KCNIP4: variants seen among roughly 807,000 people sequenced by gnomAD.
KCNIP4 encodes the protein potassium voltage-gated channel interacting protein 4, also known as Kv channel-interacting protein 4.
KCNIP4 carries 12 observed loss-of-function variants against 34.0 expected under a neutral mutation model. That is an observed-to-expected ratio of 0.35 (90% confidence interval 0.23 to 0.57). The LOEUF is 0.57. KCNIP4 is among the 20% of genes least tolerant of loss of function. KCNIP4 has a pLI of 0.83. For synonymous variants in KCNIP4, 124 were observed against 102.2 expected, an observed-to-expected ratio of 1.21 and a Z score of -1.29; for missense variants, 238 against 311.7, an observed-to-expected ratio of 0.76 and a Z score of 1.78.
chr4:20,935,760 C>T (rs772023594), intron 1 of KCNIP4, among the ~76,000 whole-genome samples: 1 of 152,102 alleles, frequency 6.6e-6, no homozygotes, highest in Non-Finnish European at 1.5e-5. Context: ...TTTTCTGTGG[C>T]TTCCATAAAC....
At chr4:21,102,973 A>T (rs76054526) in intron 1 of KCNIP4, among the ~76,000 whole-genome samples, 2,575 of 152,266 alleles carry the variant, frequency 0.017, 77 homozygotes, top group African/African-American at 0.056. Flanking sequence ...AAAAAAAGAA[A>T]ATAGTTCATT....
chr4:20,986,141 C>T (rs1376033745), intron 1 of KCNIP4, among the ~76,000 whole-genome samples: 2 of 152,118 alleles, frequency 1.3e-5, no homozygotes, highest in African/African-American at 2.4e-5. Context: ...TTGGATGAAA[C>T]GACTTTGCTT....
chr4:20,812,636 A>G (rs994103613), intron 3 of KCNIP4, among the ~76,000 whole-genome samples: 7 of 152,046 alleles, frequency 4.6e-5, no homozygotes, highest in African/African-American at 1.7e-4. Flanking sequence ...CTTCTATTGG[A>G]GTTCGGTTTG....
At chr4:20,909,518 C>A (rs1196834588) in intron 1 of KCNIP4, among the ~76,000 whole-genome samples, 2 of 152,152 alleles carry the variant, frequency 1.3e-5, no homozygotes, top group East Asian at 3.9e-4. Flanking sequence ...CCAAAGCACC[C>A]AGTGAATGCT....
intron 1 of KCNIP4, among the ~76,000 whole-genome samples, chr4:21,516,405 C>G (rs575108594): frequency 1.3e-5 from 2 of 152,162 alleles, no homozygotes; most frequent in African/African-American, 4.8e-5. Flanking sequence ...CAACAATCAC[C>G]CTTTTCCTTT....
At chr4:20,942,614 A>G (rs1440386997) in intron 1 of KCNIP4, among the ~76,000 whole-genome samples, 2 of 152,146 alleles carry the variant, frequency 1.3e-5, no homozygotes, top group Non-Finnish European at 2.9e-5. Flanking sequence ...AATTTGTTCA[A>G]AGTGATGGTA....
chr4:21,536,816 TTATTATCTCTATATTAA>T (rs1242608862), intron 1 of KCNIP4, among the ~76,000 whole-genome samples: 1 of 151,970 alleles, frequency 6.6e-6, no homozygotes, highest in Non-Finnish European at 1.5e-5. Flanking sequence ...GAATAGGTTC[TTATTATCTCTATATTAA>T]AAAATAAAGC....
intron 1 of KCNIP4, among the ~76,000 whole-genome samples, chr4:20,966,511 G>T (rs1028300481): frequency 6.6e-6 from 1 of 152,072 alleles, no homozygotes; most frequent in Non-Finnish European, 1.5e-5. Flanking sequence ...GAAAAAACTT[G>T]AGCTCTAACT....
intron 1 of KCNIP4, among the ~76,000 whole-genome samples, chr4:21,523,113 A>C (rs1735681184): frequency 6.6e-6 from 1 of 152,124 alleles, no homozygotes; most frequent in Non-Finnish European, 1.5e-5. Flanking sequence ...TACAGCAAGA[A>C]GATTGGTCCT....
intron 1 of KCNIP4, among the ~76,000 whole-genome samples, chr4:21,565,689 G>C (rs922052571): frequency 6.6e-6 from 1 of 152,078 alleles, no homozygotes; most frequent in Non-Finnish European, 1.5e-5. Context: ...ATCATTTACA[G>C]AATACTCTGT....
At chr4:21,703,730 T>C (rs1388208371) in intron 1 of KCNIP4, among the ~76,000 whole-genome samples, 1 of 152,048 alleles carries the variant, frequency 6.6e-6, no homozygotes, top group African/African-American at 2.4e-5. Context: ...AAAACTCTGA[T>C]AAAAAATAAA....
At chr4:21,869,579 A>G (rs1725636769) in intron 1 of KCNIP4, among the ~76,000 whole-genome samples, 1 of 151,984 alleles carries the variant, frequency 6.6e-6, no homozygotes, top group Non-Finnish European at 1.5e-5. Context: ...GCCAGGGTCA[A>G]CCTAAATTCC....
intron 1 of KCNIP4, among the ~76,000 whole-genome samples, chr4:21,448,132 T>A (rs1181306970): frequency 6.6e-6 from 1 of 152,104 alleles, no homozygotes; most frequent in Non-Finnish European, 1.5e-5. Context: ...TGTTGGAGGC[T>A]GGAAGCATTT....
chr4:20,815,941 T>C (rs966373844), intron 3 of KCNIP4, among the ~76,000 whole-genome samples: 1 of 152,156 alleles, frequency 6.6e-6, no homozygotes, highest in Non-Finnish European at 1.5e-5. Context: ...CTCTGTCCAG[T>C]GAACACTCTT....
chr4:21,910,713 G>A lies in KCNIP4; in HGVS notation c.61+37858C>T, dbSNP rs186589441. Among the ~76,000 whole-genome samples the A allele has an allele frequency of 2.6e-5, 4 of 152,286 alleles. 1 individual carries two copies. In the South Asian group the frequency reaches 6.2e-4, roughly 24 times the overall value. On this transcript the variant is annotated intron_variant, in intron 1 of 8. Coordinates refer to ENST00000382152, the MANE Select transcript of KCNIP4 (RefSeq NM_025221.6). ...TCTAATCTAGCTCACTCTGAGTTAA[G>A]AGGCAAATGAAATTTGATTATTCGG...
chr4:21,627,670 A>T (rs1304836373), intron 1 of KCNIP4, among the ~76,000 whole-genome samples: 1 of 152,182 alleles, frequency 6.6e-6, no homozygotes. Flanking sequence ...TTGCCAAAAC[A>T]TAATATAAAA....
chr4:21,449,303 T>G (rs1728309522), intron 1 of KCNIP4, among the ~76,000 whole-genome samples: 2 of 152,170 alleles, frequency 1.3e-5, no homozygotes, highest in Non-Finnish European at 2.9e-5. Context: ...ATAACCATGA[T>G]CCTATGCTGG....
intron 1 of KCNIP4, among the ~76,000 whole-genome samples, chr4:21,069,399 A>G (rs1744695520): frequency 6.6e-6 from 1 of 152,192 alleles, no homozygotes; most frequent in Non-Finnish European, 1.5e-5. Flanking sequence ...TTATTGATTA[A>G]ATGTCACCTT....
intron 1 of KCNIP4, among the ~76,000 whole-genome samples, chr4:21,554,342 AG>A (rs1485620571): frequency 6.6e-6 from 1 of 152,050 alleles, no homozygotes; most frequent in Admixed American, 6.6e-5. Flanking sequence ...TTGTCACAAG[AG>A]GATTTTGCAT....
Sources: gnomAD v4.1 joint callset for allele counts (sites outside exome capture counted in the v4.1 genomes callset) on GRCh38, gnomAD v4.1.1 for gene constraint, MANE v1.5 for transcripts, NCBI Gene and HGNC (gene_info 2026-07-23, HGNC 2026-07-21) for gene names.